EPHA5: variants seen among roughly 807,000 people sequenced by gnomAD.
EPHA5 encodes the protein EPH receptor A5.
A neutral mutation model predicts 105.0 loss-of-function variants in EPHA5; 60 were observed. The observed-to-expected ratio is 0.57, with a 90% CI of 0.46 to 0.71. The LOEUF is 0.71. Among genes scored for constraint, EPHA5 ranks in the 30% least tolerant of loss-of-function variants. The probability of loss-of-function intolerance (pLI) is 0.00; values close to 1 mark genes in which losing one functional copy is unlikely to be tolerated. For missense variants in EPHA5, 1,218 were observed against 1,274.7 expected (o/e 0.96, Z 0.68); for synonymous variants, 513 against 449.1 (o/e 1.14, Z -1.80).
intron 11 of EPHA5, among the ~76,000 whole-genome samples, chr4:65,364,021 C>T (rs956194405): frequency 6.6e-6 from 1 of 151,492 alleles, no homozygotes; most frequent in Non-Finnish European, 1.5e-5. Context: ...TAGCAATTTA[C>T]ACTTTTCTAA....
chr4:65,495,653 C>A, intron 3 of EPHA5, 110 bp from the exon 4 acceptor site: 1 of 842,028 alleles, frequency 1.2e-6, no homozygotes, highest in East Asian at 2.7e-5. Context: ...ATAACACAAT[C>A]TTTGCATCAA....
At chr4:65,636,228 T>A (rs1747108731) in intron 2 of EPHA5, among the ~76,000 whole-genome samples, 2 of 152,194 alleles carry the variant, frequency 1.3e-5, no homozygotes, top group South Asian at 4.1e-4. Flanking sequence ...AGCTATGTTC[T>A]ATATGTTGTT....
At chr4:65,373,422 A>G (rs1367103824) in intron 8 of EPHA5, among the ~76,000 whole-genome samples, 1 of 151,984 alleles carries the variant, frequency 6.6e-6, no homozygotes, top group Admixed American at 6.6e-5. Flanking sequence ...CCCCCGGCAG[A>G]TATCTTATAA....
At chr4:65,444,868 C>A (rs573682094) in intron 5 of EPHA5, among the ~76,000 whole-genome samples, 60 of 152,088 alleles carry the variant, frequency 3.9e-4, no homozygotes, top group African/African-American at 1.4e-3. Flanking sequence ...TATCCCTAGT[C>A]TTTTCCTCAT....
At chr4:65,550,629 A>G (rs866475336) in intron 3 of EPHA5, among the ~76,000 whole-genome samples, 3 of 151,972 alleles carry the variant, frequency 2.0e-5, no homozygotes, top group South Asian at 2.1e-4. Flanking sequence ...AGGTCAGGAG[A>G]TCGAAATCAT....
chr4:65,542,501 AC>A (rs1366880907), intron 3 of EPHA5, among the ~76,000 whole-genome samples: 1 of 151,868 alleles, frequency 6.6e-6, no homozygotes, highest in Non-Finnish European at 1.5e-5. Context: ...GGACACATAC[AC>A]CCTCCCAAGA....
intron 3 of EPHA5, among the ~76,000 whole-genome samples, chr4:65,582,440 T>C (rs1342033516): frequency 6.6e-6 from 1 of 150,744 alleles, no homozygotes; most frequent in Non-Finnish European, 1.5e-5. Context: ...ACTCAATCAT[T>C]TTTGCCTGGA....
At chr4:65,423,477 G>T (rs553016203) in intron 5 of EPHA5, among the ~76,000 whole-genome samples, 1 of 151,984 alleles carries the variant, frequency 6.6e-6, no homozygotes, top group South Asian at 2.1e-4. Context: ...TTCTGCATGG[G>T]AAATTTGTCC....
At chr4:65,348,811 A>ATTTTTTT (rs1237822654) in intron 13 of EPHA5, among the ~76,000 whole-genome samples, 3 of 56,394 alleles carry the variant, frequency 5.3e-5, no homozygotes, top group Non-Finnish European at 9.9e-5. Context: ...ATATATATAT[A>ATTTTTTT]TATATTTTTT....
Position 65,355,784 on chromosome 4 carries a change from G to A in EPHA5, c.2174-2681C>T, listed in dbSNP as rs538762592. ...TGTTACTCACATAAAGGGGACACAT[G>A]GGCAACTCCGGCATCAGTTTTTAGA... is the stretch of plus-strand genomic sequence containing the variant. On this transcript the variant is annotated intron_variant, in intron 11 of 16. Coordinates refer to ENST00000613740, the MANE Select transcript of EPHA5 (RefSeq NM_001281766.3). Among the ~76,000 whole-genome samples the A allele has an allele frequency of 1.7e-4, 26 of 151,600 alleles. 1 individual carries two copies. Among genetic ancestry groups the A allele is most frequent in the Middle Eastern group, 3.4e-3 (1 of 294 alleles).
chr4:65,402,155 T>G (rs1168508953), intron 8 of EPHA5, among the ~76,000 whole-genome samples: 1 of 152,102 alleles, frequency 6.6e-6, no homozygotes, highest in Admixed American at 6.6e-5. Context: ...CTTTCAGCAC[T>G]TCTCCTTCCT....
At chr4:65,388,477 C>A (rs1423900765) in intron 8 of EPHA5, among the ~76,000 whole-genome samples, 2 of 150,422 alleles carry the variant, frequency 1.3e-5, no homozygotes, top group Admixed American at 6.6e-5. Context: ...TCTCCAGCAC[C>A]TGTTGTTTCC....
intron 5 of EPHA5, among the ~76,000 whole-genome samples, chr4:65,472,532 G>T (rs564305420): frequency 2.6e-5 from 4 of 152,290 alleles, no homozygotes; most frequent in Non-Finnish European, 4.4e-5. Flanking sequence ...TGAAATCTAG[G>T]TTCCCAAACC....
intron 4 of EPHA5, among the ~76,000 whole-genome samples, chr4:65,493,308 C>T (rs557912323): frequency 2.6e-5 from 4 of 152,208 alleles, no homozygotes; most frequent in African/African-American, 9.6e-5. Flanking sequence ...GCAGATTCAT[C>T]AGGATTTTAG....
chr4:65,627,142 T>C (rs1431190512), intron 2 of EPHA5, among the ~76,000 whole-genome samples: 1 of 152,216 alleles, frequency 6.6e-6, no homozygotes, highest in Admixed American at 6.5e-5. Flanking sequence ...TACTTCATTA[T>C]GATAAAGAGA....
intron 2 of EPHA5, among the ~76,000 whole-genome samples, chr4:65,636,837 T>C (rs1179847812): frequency 6.6e-6 from 1 of 152,100 alleles, no homozygotes; most frequent in Non-Finnish European, 1.5e-5. Flanking sequence ...CTCAGGACCA[T>C]AATGCTCCCT....
intron 5 of EPHA5, among the ~76,000 whole-genome samples, chr4:65,422,544 C>G (rs1724039793): frequency 6.6e-6 from 1 of 152,064 alleles, no homozygotes; most frequent in Non-Finnish European, 1.5e-5. Flanking sequence ...AATCATAAAA[C>G]TATTACTGTC....
At chr4:65,437,553 A>T (rs1725594783) in intron 5 of EPHA5, among the ~76,000 whole-genome samples, 1 of 152,030 alleles carries the variant, frequency 6.6e-6, no homozygotes, top group Non-Finnish European at 1.5e-5. Context: ...CATTTTCTTG[A>T]AATCTATAAT....
chr4:65,355,963 G>T (rs1389759050), intron 11 of EPHA5, among the ~76,000 whole-genome samples: 2 of 151,412 alleles, frequency 1.3e-5, no homozygotes, highest in African/African-American at 4.8e-5. Context: ...GATTCTGCCT[G>T]ATTTATCCCC....
Sources: allele counts gnomAD v4.1 joint callset (sites outside exome capture counted in the v4.1 genomes callset), GRCh38; gene constraint gnomAD v4.1.1; transcripts MANE v1.5; gene names NCBI Gene and HGNC (gene_info 2026-07-23, HGNC 2026-07-21).